The following CTSB variants were observed in gnomAD, a reference collection of about 807,000 sequenced individuals.
CTSB encodes the protein cathepsin B.
A neutral mutation model predicts 44.3 loss-of-function variants in CTSB; 57 were observed. The ratio of observed to expected loss-of-function variants is 1.29; its 90% CI spans 1.04 to 1.60. The LOEUF (loss-of-function observed/expected upper bound fraction) is 1.60, where lower values mean the gene tolerates loss of function less well. Ranked by LOEUF, CTSB falls within the 40% of genes most tolerant of loss-of-function variation. CTSB has a pLI of 0.00. For missense variants in CTSB, 768 were observed against 443.0 expected (o/e 1.73, Z -6.59); for synonymous variants, 320 against 168.0 (o/e 1.91, Z -7.00).
chr8:11,847,405 A>G (rs1813604635), intron 7 of CTSB, among the ~76,000 whole-genome samples: 1 of 152,172 alleles, frequency 6.6e-6, no homozygotes, highest in Admixed American at 6.5e-5. Context: ...AGAGGCCAGG[A>G]TACCTCAAGA....
At chr8:11,846,604 G>C (rs1472323377) in intron 8 of CTSB, among the ~76,000 whole-genome samples, 2 of 152,158 alleles carry the variant, frequency 1.3e-5, no homozygotes, top group Non-Finnish European at 1.5e-5. Flanking sequence ...CTGGTGTGAG[G>C]CACGATCTAG....
rs1437782772 is a variant in CTSB, at chr8:11,847,742, G to A, written c.613C>T (p.Pro205Ser). 6.2e-7 allele frequency: 1 copy of A among 1,601,296 alleles called. No homozygotes were observed. Among genetic ancestry groups the A allele is most frequent in the East Asian group, 2.2e-5 (1 of 44,658 alleles). ...GGCTCACAGATCTTGCTACACTTGG[G>A]GGTATCTCCCTCCCCCGTGCATGGG... Reference protein sequence around the residue: ...RPPCTGEGDTPKCSKICEPGY... With the variant: ...RPPCTGEGDTSKCSKICEPGY... The change falls in exon 7 of 10, where the codon CCC becomes TCC. Residue 205 changes from proline (P) to serine (S), a missense_variant. Coordinates refer to ENST00000353047, the MANE Select transcript of CTSB (RefSeq NM_001908.5).
At chr8:11,865,143 C>T (rs186176572) in intron 1 of CTSB, among the ~76,000 whole-genome samples, 1 of 152,186 alleles carries the variant, frequency 6.6e-6, no homozygotes, top group African/African-American at 2.4e-5. Flanking sequence ...CTAGACTCAA[C>T]TGCCTGTCAC....
chr8:11,850,667 C>G (rs1402301408), intron 4 of CTSB, 199 bp downstream of exon 4: 1 of 465,190 alleles, frequency 2.1e-6, no homozygotes, highest in East Asian at 3.4e-5. Context: ...CTGCTGGATG[C>G]TCTGCCCGCC....
At chr8:11,853,541 CA>C (rs2093176910) in intron 1 of CTSB, 62 bp from the exon 2 acceptor site, 3 of 1,503,492 alleles carry the variant, frequency 2.0e-6, no homozygotes, top group African/African-American at 1.4e-5. Context: ...CTCACACACA[CA>C]GGGGCACCGT....
At chr8:11,863,318 G>A (rs551249838) in intron 1 of CTSB, among the ~76,000 whole-genome samples, 1 of 151,988 alleles carries the variant, frequency 6.6e-6, no homozygotes, top group Non-Finnish European at 1.5e-5. Flanking sequence ...AATTAGCTGG[G>A]CGTGGTGGCA....
At chr8:11,858,988 T>G (rs1036645039) in intron 1 of CTSB, among the ~76,000 whole-genome samples, 4 of 152,278 alleles carry the variant, frequency 2.6e-5, no homozygotes, top group Admixed American at 6.5e-5. Flanking sequence ...AACTCTTGTG[T>G]GCCACAAGAC....
At position 11,844,053 on chromosome 8, in the gene CTSB, T is replaced by C. The variant is rs1812762407; in HGVS notation, c.*1072A>G. ...GTCAGTCACAACAACAACAAAAAAA[T>C]AGAGCACAGCTATGTTTTGAGTTCT... is the stretch of plus-strand genomic sequence containing the variant. On this transcript the variant is annotated 3_prime_UTR_variant, in exon 10 of 10. Transcript: ENST00000353047. 6.6e-6 allele frequency: 1 copy of C among 152,042 alleles called. No homozygotes were observed. The highest frequency in any genetic ancestry group is 2.4e-5 in the African/African-American group (1 of 41,394). The allele number at this position is 152,042 out of a possible 1,614,324, so 9.4% of individuals were successfully genotyped here.
chr8:11,848,920 G>A lies in CTSB; in HGVS notation c.446+126C>T, dbSNP rs554896119. On this transcript the variant is annotated intron_variant, in intron 5 of 9. Transcript: ENST00000353047. Reference sequence around the variant, plus strand: ...GCCAGGCCCTGCCTGCCAGACTCTCGGAGTCTCCCCGAAACACTTCTGACT... The same window carrying A: ...GCCAGGCCCTGCCTGCCAGACTCTCAGAGTCTCCCCGAAACACTTCTGACT... 24 of 657,916 alleles carry A rather than the reference G, an allele frequency of 3.6e-5. 1 individual carries two copies. Among genetic ancestry groups the A allele is most frequent in the South Asian group, 2.9e-4 (16 of 55,980 alleles). 40.8% of individuals were successfully genotyped at this position (657,916 alleles called of 1,614,324 possible). A position where few individuals can be genotyped will look rare whatever the true frequency, so the allele number is the denominator to read the frequency against.
intron 5 of CTSB, 37 bp downstream of exon 5, chr8:11,849,009 A>G (rs1454085445): frequency 3.3e-6 from 5 of 1,512,086 alleles, no homozygotes; most frequent in Non-Finnish European, 4.6e-6. Context: ...AGGGTCTCTC[A>G]GCACTAAACC....
At chr8:11,857,703 A>G (rs897409941) in intron 1 of CTSB, among the ~76,000 whole-genome samples, 2 of 151,904 alleles carry the variant, frequency 1.3e-5, no homozygotes, top group Non-Finnish European at 2.9e-5. Flanking sequence ...ACTTCCCTGC[A>G]CCCGCCCTCC....
chr8:11,856,702 G>T (rs764015760), intron 1 of CTSB, among the ~76,000 whole-genome samples: 2 of 152,180 alleles, frequency 1.3e-5, no homozygotes, highest in Non-Finnish European at 2.9e-5. Flanking sequence ...AAAGCAAGCT[G>T]TGGGTGACTG....
rs549366700 is a variant in CTSB, at chr8:11,847,756, C to A, written c.599G>T (p.Gly200Val). The change falls in exon 7 of 10, where the codon GGG becomes GTG. Residue 200 changes from glycine (G) to valine (V), a missense_variant. Coordinates refer to ENST00000353047, the MANE Select transcript of CTSB (RefSeq NM_001908.5). ...HVNGSRPPCTGEGDTPKCSKI... is the reference protein window; with the variant it reads ...HVNGSRPPCTVEGDTPKCSKI... ...GCTACACTTGGGGGTATCTCCCTCC[C>A]CCGTGCATGGGGGCCGGGAGCCGTT... 1 of 1,601,670 alleles carries A rather than the reference C, an allele frequency of 6.2e-7. No individual in the cohort carries two copies. The highest frequency in any genetic ancestry group is 8.5e-7 in the Non-Finnish European group (1 of 1,176,134).
intron 1 of CTSB, among the ~76,000 whole-genome samples, chr8:11,863,748 T>A (rs1386074471): frequency 6.6e-6 from 1 of 152,116 alleles, no homozygotes; most frequent in Non-Finnish European, 1.5e-5. Context: ...TTCAAACCCA[T>A]CAGATTGGCA....
In CTSB at chr8:11,853,494, G is replaced by C; in HGVS notation, c.-25-15C>G. On this transcript the variant is annotated splice_polypyrimidine_tract_variant and intron_variant, in intron 1 of 9. Coordinates refer to ENST00000353047, the MANE Select transcript of CTSB (RefSeq NM_001908.5). The stretch of plus-strand genomic sequence containing the variant: ...CCTAGATCCACCTGGAGAGGACAGA[G>C]GGCATCAGGACACCTCTCTGTTATG... 1.1e-5 allele frequency: 18 copies of C among 1,602,608 alleles called. No homozygotes were observed. Among genetic ancestry groups the C allele is most frequent in the Non-Finnish European group, 1.5e-5 (18 of 1,175,422 alleles).
At chr8:11,851,882 G>C (rs551527437) in intron 3 of CTSB, among the ~76,000 whole-genome samples, 2 of 152,064 alleles carry the variant, frequency 1.3e-5, no homozygotes, top group South Asian at 2.1e-4. Context: ...GGTCAGACTG[G>C]TCTCGAACTC....
intron 1 of CTSB, among the ~76,000 whole-genome samples, chr8:11,856,902 T>G (rs528016440): frequency 6.6e-6 from 1 of 152,302 alleles, no homozygotes; most frequent in African/African-American, 2.4e-5. Flanking sequence ...TTTTGTTTCT[T>G]CTAGGAAAAA....
chr8:11,845,906 T>G, intron 8 of CTSB, 117 bp from the exon 9 acceptor site: 1 of 1,295,596 alleles, frequency 7.7e-7, no homozygotes. Flanking sequence ...AGAGGGAACC[T>G]GCTGCTCCAC....
intron 9 of CTSB, 52 bp from the exon 10 acceptor site, chr8:11,845,274 T>TAGTC: frequency 7.3e-7 from 1 of 1,361,536 alleles, no homozygotes; most frequent in Non-Finnish European, 1.0e-6. Context: ...TCAACCAATA[T>TAGTC]AGTCAGACTC....
Sources: gnomAD v4.1 joint callset for allele counts (sites outside exome capture counted in the v4.1 genomes callset) on GRCh38, gnomAD v4.1.1 for gene constraint, MANE v1.5 for transcripts, NCBI Gene and HGNC (gene_info 2026-07-23, HGNC 2026-07-21) for gene names.